Variants in EIF3H observed in about 807,000 individuals in gnomAD.
The protein encoded by EIF3H is eukaryotic translation initiation factor 3 subunit H.
In EIF3H, 26 loss-of-function variants were observed where a neutral mutation model predicts 44.2. The ratio of observed to expected loss-of-function variants is 0.59; its 90% CI spans 0.43 to 0.82. The LOEUF is 0.82. Ranked by LOEUF, EIF3H falls within the 40% of genes least tolerant of loss-of-function variation. EIF3H has a pLI of 0.00. For missense variants in EIF3H, 359 were observed against 432.8 expected, an observed-to-expected ratio of 0.83 and a Z score of 1.51; for synonymous variants, 166 against 151.9, an observed-to-expected ratio of 1.09 and a Z score of -0.68.
chr8:116,718,337 T>C (rs1814688164), intron 2 of EIF3H, among the ~76,000 whole-genome samples: 1 of 152,116 alleles, frequency 6.6e-6, no homozygotes, highest in Non-Finnish European at 1.5e-5. Flanking sequence ...AAAGTAGATC[T>C]ACCATTTGAT....
At chr8:116,752,783 GGGAGGGAGGGAGGGAAGGAAGGAA>G (rs1223917422) in intron 1 of EIF3H, among the ~76,000 whole-genome samples, 5 of 35,926 alleles carry the variant, frequency 1.4e-4, no homozygotes, top group African/African-American at 2.8e-4. Context: ...GAGGGAGGGA[GGGAGGGAGGGAGGGAAGGAAGGAA>G]GGAAGGAAGG....
At chr8:116,751,671 A>C (rs756064893) in intron 1 of EIF3H, among the ~76,000 whole-genome samples, 10 of 152,244 alleles carry the variant, frequency 6.6e-5, no homozygotes, top group Non-Finnish European at 1.0e-4. Flanking sequence ...AGAAATATAA[A>C]TCTAGGACTT....
intron 1 of EIF3H, 66 bp downstream of exon 1, chr8:116,755,600 G>C: frequency 1.2e-6 from 2 of 1,602,750 alleles, no homozygotes; most frequent in Admixed American, 1.7e-5. Context: ...TAGAAAGTAC[G>C]TCTGGTGGGA....
intron 2 of EIF3H, among the ~76,000 whole-genome samples, chr8:116,701,154 T>C (rs1207448504): frequency 6.6e-6 from 1 of 152,176 alleles, no homozygotes; most frequent in Non-Finnish European, 1.5e-5. Flanking sequence ...TCAGTTAATA[T>C]TGTTCTATAC....
At chr8:116,694,039 A>G (rs1814224463) in intron 2 of EIF3H, among the ~76,000 whole-genome samples, 1 of 152,166 alleles carries the variant, frequency 6.6e-6, no homozygotes, top group Non-Finnish European at 1.5e-5. Context: ...GATATTAAAC[A>G]TTCCTATAAT....
chr8:116,743,795 TATAAACACAC>T (rs1434214264), intron 1 of EIF3H, among the ~76,000 whole-genome samples: 2 of 48,388 alleles, frequency 4.1e-5, no homozygotes, highest in African/African-American at 1.5e-4. Context: ...TATATATATA[TATAAACACAC>T]ACACACACAC....
intron 2 of EIF3H, among the ~76,000 whole-genome samples, chr8:116,687,715 T>C (rs1024016070): frequency 3.9e-5 from 6 of 152,066 alleles, no homozygotes; most frequent in Admixed American, 3.9e-4. Flanking sequence ...CATCTAAATT[T>C]AAAGAAAAAA....
At chr8:116,757,725 T>G (rs1815473625), upstream of EIF3H, among the ~76,000 whole-genome samples, 1 of 137,354 alleles carries the variant, frequency 7.3e-6, no homozygotes, top group Non-Finnish European at 1.5e-5. Context: ...TTATGTTAAT[T>G]TTTTTTTTTT....
chr8:116,728,649 T>C (rs540473112), intron 1 of EIF3H, among the ~76,000 whole-genome samples: 79 of 152,168 alleles, frequency 5.2e-4, no homozygotes, highest in African/African-American at 1.8e-3. Flanking sequence ...TGGCAGACCT[T>C]CAATACTACG....
intron 2 of EIF3H, among the ~76,000 whole-genome samples, chr8:116,721,426 G>A (rs1390119911): frequency 6.6e-6 from 1 of 152,250 alleles, no homozygotes; most frequent in African/African-American, 2.4e-5. Flanking sequence ...CTAGGGCAGT[G>A]CAGAAGGGAA....
At chr8:116,752,479 G>A (rs1554603801) in intron 1 of EIF3H, among the ~76,000 whole-genome samples, 1 of 151,678 alleles carries the variant, frequency 6.6e-6, no homozygotes, top group Non-Finnish European at 1.5e-5. Flanking sequence ...ACCCTTATGA[G>A]TTACTACTTT....
chr8:116,696,029 T>C (rs1047513492), intron 2 of EIF3H, among the ~76,000 whole-genome samples: 1 of 152,218 alleles, frequency 6.6e-6, no homozygotes, highest in African/African-American at 2.4e-5. Flanking sequence ...GTTATTTGTA[T>C]ATTCAAATAC....
At chr8:116,652,555 G>A (rs964343324) in intron 5 of EIF3H, among the ~76,000 whole-genome samples, 9 of 152,094 alleles carry the variant, frequency 5.9e-5, no homozygotes, top group Non-Finnish European at 1.0e-4. Flanking sequence ...AGTATTTAGG[G>A]GTTAAAAGTC....
chr8:116,752,795 G>GGGAAGGAAGGAAGGAAGGAA (rs1302875837), intron 1 of EIF3H, among the ~76,000 whole-genome samples: 2 of 80,404 alleles, frequency 2.5e-5, no homozygotes, highest in African/African-American at 6.1e-5. Context: ...GAGGGAGGGA[G>GGGAAGGAAGGAAGGAAGGAA]GGAAGGAAGG....
intron 2 of EIF3H, among the ~76,000 whole-genome samples, chr8:116,709,065 C>G (rs1814521688): frequency 6.6e-6 from 1 of 151,586 alleles, no homozygotes; most frequent in South Asian, 2.1e-4. Flanking sequence ...GACAAGAAAC[C>G]TTAGCAATTT....
chr8:116,672,631 TAAAAAAGA>T (rs1262840219), intron 2 of EIF3H, among the ~76,000 whole-genome samples: 4 of 148,844 alleles, frequency 2.7e-5, no homozygotes, highest in East Asian at 2.0e-4. Flanking sequence ...CCCTATCTCT[TAAAAAAGA>T]AAAAAAGAAA....
chr8:116,711,897 A>G (rs1814577348), intron 2 of EIF3H, among the ~76,000 whole-genome samples: 1 of 152,260 alleles, frequency 6.6e-6, no homozygotes. Context: ...TATAAATAAC[A>G]AACATTTCAA....
intron 2 of EIF3H, among the ~76,000 whole-genome samples, chr8:116,722,606 A>G (rs892467441): frequency 6.6e-6 from 1 of 152,076 alleles, no homozygotes; most frequent in African/African-American, 2.4e-5. Context: ...ATTTTTTTAA[A>G]TTTCACACAA....
At chr8:116,695,275 G>T (rs992953855) in intron 2 of EIF3H, among the ~76,000 whole-genome samples, 5 of 152,014 alleles carry the variant, frequency 3.3e-5, no homozygotes, top group Non-Finnish European at 5.9e-5. Context: ...CACCATGTTG[G>T]CCAGGCTAGT....
Sources: gnomAD v4.1 joint callset for allele counts (sites outside exome capture counted in the v4.1 genomes callset) on GRCh38, gnomAD v4.1.1 for gene constraint, MANE v1.5 for transcripts, NCBI Gene and HGNC (gene_info 2026-07-23, HGNC 2026-07-21) for gene names.